Variants in ATF7IP observed in about 807,000 individuals in gnomAD.
ATF7IP encodes the protein activating transcription factor 7 interacting protein, also known as activating transcription factor 7-interacting protein 1.
A neutral mutation model predicts 106.4 loss-of-function variants in ATF7IP; 23 were observed. The observed-to-expected ratio is 0.22, with a 90% CI of 0.16 to 0.31. The LOEUF is 0.31. Among genes scored for constraint, ATF7IP ranks in the 10% least tolerant of loss-of-function variants. The pLI, the probability that ATF7IP is intolerant of heterozygous loss-of-function variation, is 1.00. For missense variants in ATF7IP, 1,334 were observed against 1,524.3 expected, an observed-to-expected ratio of 0.88 and a Z score of 2.08; for synonymous variants, 542 against 539.0, an observed-to-expected ratio of 1.01 and a Z score of -0.08.
intron 1 of ATF7IP, among the ~76,000 whole-genome samples, chr12:14,378,384 C>A (rs1336403319): frequency 6.6e-6 from 1 of 152,210 alleles, no homozygotes; most frequent in Non-Finnish European, 1.5e-5. Context: ...AGGCGTGAGT[C>A]ACCATGCCCG....
intron 1 of ATF7IP, chr12:14,385,411 A>C: frequency 1.3e-6 from 2 of 1,532,454 alleles, no homozygotes; most frequent in Non-Finnish European, 1.7e-6. Flanking sequence ...GTAAGAACCA[A>C]TTACTCTTTT....
At chr12:14,453,447 G>C (rs544739561) in intron 6 of ATF7IP, among the ~76,000 whole-genome samples, 4 of 151,806 alleles carry the variant, frequency 2.6e-5, no homozygotes, top group African/African-American at 7.3e-5. Flanking sequence ...TTTTCGGTTT[G>C]ATCCGGTCTG....
rs138421158 is a variant in ATF7IP, at chr12:14,456,607, T to C, written c.2042T>C (p.Val681Ala). ...PVSPGKTVNDVNSNNNMSYRN... is the reference protein window; with the variant it reads ...PVSPGKTVNDANSNNNMSYRN... ...TCACCAGGAAAAACTGTAAATGATG[T>C]CAACAGCAATAATAACATGTCTTAC... The change falls in exon 7 of 15, where the codon GTC (valine) becomes GCC (alanine). Residue 681 changes from valine to alanine, a missense_variant. Around this residue, in one of 10 missense-constraint regions of ATF7IP, gnomAD observed 171 missense variants for 172.6 expected, o/e 0.99. Transcript: ENST00000261168. The C allele has an allele frequency of 2.5e-5, 40 of 1,612,032 alleles. No homozygotes were observed. In the African/African-American group the frequency reaches 3.2e-4, roughly 13 times the overall value.
chr12:14,492,255 G>T (rs986604767), intron 13 of ATF7IP, among the ~76,000 whole-genome samples: 2 of 152,174 alleles, frequency 1.3e-5, no homozygotes, highest in Non-Finnish European at 2.9e-5. Flanking sequence ...TTTAACTGGA[G>T]GACCACAATG....
intron 1 of ATF7IP, among the ~76,000 whole-genome samples, chr12:14,387,270 A>G (rs926188381): frequency 6.6e-6 from 1 of 152,136 alleles, no homozygotes; most frequent in African/African-American, 2.4e-5. Flanking sequence ...CCTTTCAGTA[A>G]GGTTATCCTT....
chr12:14,438,700 T>C (rs1942542515), intron 5 of ATF7IP, among the ~76,000 whole-genome samples: 1 of 152,204 alleles, frequency 6.6e-6, no homozygotes, highest in Non-Finnish European at 1.5e-5. Flanking sequence ...ACACCAGTCA[T>C]TGGAGTAGGG....
Position 14,425,126 on chromosome 12 carries a change from C to G in ATF7IP, c.1211C>G (p.Ala404Gly). Reference sequence around the variant, plus strand: ...GAAAAGAATGAAGATGAAACTTCTGCAGATCTTGTAGAAACGATTAATGAA... The same window carrying G: ...GAAAAGAATGAAGATGAAACTTCTGGAGATCTTGTAGAAACGATTAATGAA... ...QGEKNEDETS[A>G]DLVETINENV... The change falls in exon 2 of 15, where the codon GCA becomes GGA. Residue 404 changes from alanine (A) to glycine (G), a missense_variant. Around this residue, in one of 10 missense-constraint regions of ATF7IP, gnomAD observed 438 missense variants for 405.3 expected, o/e 1.08. Coordinates refer to ENST00000261168, the MANE Select transcript of ATF7IP (RefSeq NM_018179.5). The G allele has an allele frequency of 6.3e-7, 1 of 1,588,952 alleles. No homozygotes were observed. The highest frequency in any genetic ancestry group is 8.5e-7 in the Non-Finnish European group (1 of 1,173,074).
intron 3 of ATF7IP, 69 bp downstream of exon 3, chr12:14,434,492 G>A (rs576603428): frequency 5.3e-5 from 53 of 1,007,320 alleles, no homozygotes; most frequent in Middle Eastern, 2.5e-4. Context: ...ATTTACAACC[G>A]TGTAATATTC....
chr12:14,453,467 CTCTACAG>C (rs1367393908), intron 6 of ATF7IP, among the ~76,000 whole-genome samples: 5 of 152,178 alleles, frequency 3.3e-5, no homozygotes, highest in African/African-American at 1.2e-4. Flanking sequence ...GCTCTTGATT[CTCTACAG>C]TGAATTTTCA....
intron 3 of ATF7IP, 65 bp from the exon 4 acceptor site, chr12:14,436,041 G>C: frequency 6.7e-7 from 1 of 1,497,874 alleles, no homozygotes; most frequent in Non-Finnish European, 9.1e-7. Context: ...GCTAAGGATG[G>C]ATAATATGCA....
intron 6 of ATF7IP, among the ~76,000 whole-genome samples, chr12:14,450,637 C>T (rs985225619): frequency 6.6e-6 from 1 of 152,042 alleles, no homozygotes; most frequent in Non-Finnish European, 1.5e-5. Context: ...CTTTGTTTGA[C>T]TTTGGTATCA....
At chr12:14,485,941 C>T (rs551075526) in intron 13 of ATF7IP, among the ~76,000 whole-genome samples, 13 of 152,218 alleles carry the variant, frequency 8.5e-5, no homozygotes, top group Non-Finnish European at 1.5e-4. Context: ...CTTTCACGTC[C>T]TTGATGGTGG....
intron 6 of ATF7IP, among the ~76,000 whole-genome samples, chr12:14,449,088 T>G (rs1943096663): frequency 1.3e-5 from 2 of 152,174 alleles, no homozygotes; most frequent in African/African-American, 4.8e-5. Flanking sequence ...CTTTTTTGCA[T>G]CCTTTGTTTC....
At chr12:14,496,868 TATC>T (rs1945026936) in intron 14 of ATF7IP, among the ~76,000 whole-genome samples, 1 of 152,204 alleles carries the variant, frequency 6.6e-6, no homozygotes, top group Admixed American at 6.5e-5. Context: ...TGGTATGAAA[TATC>T]ATTATAATGA....
chr12:14,483,492 T>C (rs1370235628), intron 13 of ATF7IP, among the ~76,000 whole-genome samples: 1 of 152,132 alleles, frequency 6.6e-6, no homozygotes, highest in Non-Finnish European at 1.5e-5. Context: ...TTTAATGGAA[T>C]CATTTTGTCT....
intron 13 of ATF7IP, among the ~76,000 whole-genome samples, chr12:14,486,096 C>G (rs185912436): frequency 1.3e-5 from 2 of 152,276 alleles, no homozygotes; most frequent in African/African-American, 4.8e-5. Flanking sequence ...GTGGTTCTGC[C>G]AGCTGCTAAG....
rs11614681 is a variant in ATF7IP at position 14,492,952 on chromosome 12, G to A, written c.3281-3279G>A. On this transcript the variant is annotated intron_variant, in intron 13 of 14. Transcript: ENST00000261168. ...TCAAGGGTATATCTTCTGGACCCTC[G>A]CAGCTGGGATGACTAGCTCTAAAGT... is the stretch of plus-strand genomic sequence containing the variant. Among the ~76,000 whole-genome samples the A allele has an allele frequency of 7.0e-3, 1,038 of 147,578 alleles. 9 individuals are homozygous for A. Among genetic ancestry groups the A allele is most frequent in the Non-Finnish European group, 0.011 (765 of 67,602 alleles).
intron 13 of ATF7IP, among the ~76,000 whole-genome samples, chr12:14,486,113 A>G (rs868478682): frequency 4.1e-4 from 63 of 152,316 alleles, no homozygotes; most frequent in African/African-American, 1.1e-3. Flanking sequence ...TAAGTATGTC[A>G]GTGCCAATTA....
rs1258559695 is a variant in ATF7IP, at chr12:14,424,137, T to G, written c.222T>G (p.Ile74Met). 1 of 1,614,150 alleles carries G rather than the reference T, an allele frequency of 6.2e-7. No individual in the cohort carries two copies. Among genetic ancestry groups the G allele is most frequent in the Non-Finnish European group, 8.5e-7 (1 of 1,180,022 alleles). Residue 74 changes from isoleucine to methionine, a missense_variant, in exon 2 of 15, where the codon ATT (isoleucine) becomes ATG (methionine). By Grantham distance (10) the Ile-to-Met change is conservative (BLOSUM62 1). This residue lies in a region of ATF7IP where 74 missense variants were observed against 101.9 expected (regional missense o/e 0.73). Coordinates refer to ENST00000261168, the MANE Select transcript of ATF7IP (RefSeq NM_018179.5). ...YIKDKEEVNGIEEICFDPEGS... is the reference protein window; with the variant it reads ...YIKDKEEVNGMEEICFDPEGS... ...AAGACAAGGAAGAGGTGAATGGCAT[T>G]GAAGAGATTTGTTTTGATCCTGAAG... is the stretch of plus-strand genomic sequence containing the variant.
Sources: gnomAD v4.1 joint callset for allele counts (sites outside exome capture counted in the v4.1 genomes callset) on GRCh38, gnomAD v4.1.1 for gene constraint, gnomAD v4.1.1 regional missense constraint, MANE v1.5 for transcripts, NCBI Gene and HGNC (gene_info 2026-07-23, HGNC 2026-07-21) for gene names.